Variants in PDZD2 observed in about 807,000 individuals in gnomAD.
PDZD2 encodes the protein PDZ domain-containing protein 2.
A neutral mutation model predicts 220.7 loss-of-function variants in PDZD2; 90 were observed. That is an observed-to-expected ratio of 0.41 (90% CI 0.34 to 0.49). The LOEUF is 0.49. Among genes scored for constraint, PDZD2 ranks in the 20% least tolerant of loss-of-function variants. The pLI is 0.28. For synonymous variants in PDZD2, 1,375 were observed against 1,450.5 expected, an observed-to-expected ratio of 0.95 and a Z score of 1.18; for missense variants, 3,174 against 3,608.5, an observed-to-expected ratio of 0.88 and a Z score of 3.08.
chr5:31,796,862 A>C (rs939620757), intron 1 of PDZD2, among the ~76,000 whole-genome samples: 4 of 152,110 alleles, frequency 2.6e-5, no homozygotes, highest in African/African-American at 9.7e-5. Context: ...GGTTTTCCTC[A>C]ATCAGACTTA....
In PDZD2 at chr5:31,906,366, T is replaced by G. The variant is rs532896104; in HGVS notation, c.477-76789T>G. The stretch of plus-strand genomic sequence containing the variant: ...TGACCTCCCCAGGCTCAGGTGATCC[T>G]CCCACCTCAGTTTTTGTATTTTTGG... On this transcript the variant is annotated intron_variant, in intron 2 of 24. Coordinates refer to ENST00000438447, the MANE Select transcript of PDZD2 (RefSeq NM_178140.4). 3.3e-5 allele frequency among the ~76,000 whole-genome samples: 5 copies of G among 150,962 alleles called. No homozygotes were observed. The East Asian group carries it at 1.0e-3, about 30-fold the overall frequency.
chr5:31,678,069 C>A (rs1324963885), intron 1 of PDZD2, among the ~76,000 whole-genome samples: 1 of 152,180 alleles, frequency 6.6e-6, no homozygotes, highest in East Asian at 1.9e-4. Flanking sequence ...TGGTTTATTA[C>A]ATGTCAATTA....
intron 2 of PDZD2, among the ~76,000 whole-genome samples, chr5:31,867,938 T>A (rs750282160): frequency 1.3e-5 from 2 of 151,984 alleles, no homozygotes; most frequent in Non-Finnish European, 2.9e-5. Context: ...CTGGTGACCT[T>A]TACTGAGTGC....
intron 6 of PDZD2, among the ~76,000 whole-genome samples, chr5:32,012,268 C>T (rs746697071): frequency 2.6e-5 from 4 of 152,162 alleles, no homozygotes; most frequent in East Asian, 1.9e-4. Context: ...CCTGGGTCTG[C>T]GGCGAGGACA....
intron 2 of PDZD2, among the ~76,000 whole-genome samples, chr5:31,849,317 C>T (rs1757780844): frequency 6.6e-6 from 1 of 152,114 alleles, no homozygotes; most frequent in Non-Finnish European, 1.5e-5. Flanking sequence ...TACTTAACCT[C>T]TTTGTGACTC....
intron 2 of PDZD2, among the ~76,000 whole-genome samples, chr5:31,960,951 A>G (rs1748168372): frequency 6.6e-6 from 1 of 152,164 alleles, no homozygotes; most frequent in African/African-American, 2.4e-5. Context: ...CGACTGACTT[A>G]TTCATTGCTT....
At chr5:31,702,557 C>T (rs1051588826) in intron 1 of PDZD2, among the ~76,000 whole-genome samples, 2 of 152,208 alleles carry the variant, frequency 1.3e-5, no homozygotes, top group African/African-American at 4.8e-5. Context: ...TTCCTTCCCC[C>T]TACCCTGCCT....
At chr5:31,885,025 G>A (rs1366204845) in intron 2 of PDZD2, among the ~76,000 whole-genome samples, 1 of 151,838 alleles carries the variant, frequency 6.6e-6, no homozygotes, top group African/African-American at 2.4e-5. Context: ...TAGACCAAGA[G>A]AAACGTACAA....
chr5:31,812,039 A>AAATAAATAAAT (rs1561478794), intron 2 of PDZD2, among the ~76,000 whole-genome samples: 2 of 113,904 alleles, frequency 1.8e-5, no homozygotes, highest in Non-Finnish European at 4.1e-5. Flanking sequence ...AATAAATAAA[A>AAATAAATAAAT]ATTCAAGCTC....
chr5:31,825,009 A>G (rs1255414109), intron 2 of PDZD2, among the ~76,000 whole-genome samples: 1 of 152,172 alleles, frequency 6.6e-6, no homozygotes, highest in East Asian at 1.9e-4. Flanking sequence ...CATATGTGCT[A>G]AATTTGTTTA....
At chr5:31,649,864 G>A (rs570105645) in intron 1 of PDZD2, among the ~76,000 whole-genome samples, 2 of 147,676 alleles carry the variant, frequency 1.4e-5, no homozygotes, top group African/African-American at 5.0e-5. Flanking sequence ...CTTGAACCCG[G>A]GAGGCGGAGG....
At chr5:31,985,846 A>G (rs1437096005) in intron 3 of PDZD2, among the ~76,000 whole-genome samples, 1 of 152,098 alleles carries the variant, frequency 6.6e-6, no homozygotes, top group Non-Finnish European at 1.5e-5. Flanking sequence ...TGGGAGGCCA[A>G]GGTGGGTGGA....
chr5:31,905,426 C>G (rs1742554738), intron 2 of PDZD2, among the ~76,000 whole-genome samples: 1 of 152,204 alleles, frequency 6.6e-6, no homozygotes, highest in South Asian at 2.1e-4. Context: ...TACCTGCAAC[C>G]TGAGGATGCT....
intron 1 of PDZD2, among the ~76,000 whole-genome samples, chr5:31,779,373 C>CTTTTTTT (rs58290929): frequency 2.8e-5 from 3 of 106,654 alleles, no homozygotes; most frequent in Non-Finnish European, 1.9e-5. Context: ...TTGTGAATCT[C>CTTTTTTT]TTTTTTTTTT....
At chr5:31,873,807 G>T (rs939139517) in intron 2 of PDZD2, among the ~76,000 whole-genome samples, 4 of 150,618 alleles carry the variant, frequency 2.7e-5, no homozygotes, top group African/African-American at 9.8e-5. Context: ...CTCGGCTCAC[G>T]GCAACCTCCA....
intron 2 of PDZD2, among the ~76,000 whole-genome samples, chr5:31,893,248 G>A (rs4867392): frequency 0.34 from 51,491 of 151,924 alleles, 10,756 homozygotes; most frequent in East Asian, 0.7. Flanking sequence ...TTACTGCTTA[G>A]CCTGCCATTG....
chr5:32,035,061 A>ACG (rs2112212183), intron 6 of PDZD2, among the ~76,000 whole-genome samples: 1 of 152,220 alleles, frequency 6.6e-6, no homozygotes, highest in East Asian at 1.9e-4. Context: ...CCCTTTCTCA[A>ACG]TTTTGCCTAC....
intron 2 of PDZD2, among the ~76,000 whole-genome samples, chr5:31,894,536 G>A (rs1741361228): frequency 1.3e-5 from 2 of 152,024 alleles, no homozygotes; most frequent in Admixed American, 1.3e-4. Context: ...ATCTTTAAAG[G>A]GAAAATTCTC....
chr5:31,995,670 C>G lies in PDZD2; in HGVS notation c.1073C>G (p.Pro358Arg). 3 of 1,614,098 alleles carry G rather than the reference C, an allele frequency of 1.9e-6. No homozygotes were observed. Among genetic ancestry groups the G allele is most frequent in the Non-Finnish European group, 2.5e-6 (3 of 1,180,022 alleles). The stretch of plus-strand genomic sequence containing the variant: ...GGAGGCCGAGGATCAAAGCGCTCAC[C>G]TCACGCTATCGTTGTCACTCAAGTG... Reference protein sequence around the residue: ...VSGGRGSKRSPHAIVVTQVKE... With the variant: ...VSGGRGSKRSRHAIVVTQVKE... Residue 358 changes from proline to arginine, a missense_variant, in exon 4 of 25, where the codon CCT becomes CGT. This residue lies in a region of PDZD2 where 632 missense variants were observed against 708.1 expected (regional missense o/e 0.89). Coordinates refer to ENST00000438447, the MANE Select transcript of PDZD2 (RefSeq NM_178140.4).
Sources: allele counts gnomAD v4.1 joint callset (sites outside exome capture counted in the v4.1 genomes callset), GRCh38; gene constraint gnomAD v4.1.1; regional missense constraint gnomAD v4.1.1; transcripts MANE v1.5; gene names NCBI Gene and HGNC (gene_info 2026-07-23, HGNC 2026-07-21).